MAOA: variants seen among roughly 807,000 people sequenced by gnomAD.
MAOA encodes amine oxidase [flavin-containing] A.
MAOA carries 6 observed loss-of-function variants against 42.0 expected under a neutral mutation model. That is an observed-to-expected ratio of 0.14 (90% CI 0.08 to 0.28). MAOA has a LOEUF of 0.28. Ranked by LOEUF, MAOA falls within the 10% of genes least tolerant of loss-of-function variation. The probability of loss-of-function intolerance (pLI) is 1.00; values close to 1 mark genes in which losing one functional copy is unlikely to be tolerated. For missense variants in MAOA, 262 were observed against 422.3 expected (o/e 0.62, Z 3.33); for synonymous variants, 140 against 154.0 (o/e 0.91, Z 0.67).
chrX:43,704,296 T>C (rs2033644460), intron 3 of MAOA, among the ~76,000 whole-genome samples: 1 of 111,642 alleles, frequency 9.0e-6, no homozygotes, highest in South Asian at 3.7e-4. Flanking sequence ...CATGACTAAG[T>C]AGGATTTATT....
rs1337668994 is a variant in MAOA, at chrX:43,746,686, AATGTTCC to A, written c.*2178_*2184del. ...TAGTGTGATTGTGAACTTGGTGCCT[AATGTTCC>A]ATGTCTGAAGTTTGCCCCAGTGCTA... On this transcript the variant is annotated 3_prime_UTR_variant, in exon 15 of 15. Coordinates refer to ENST00000338702, the MANE Select transcript of MAOA (RefSeq NM_000240.4). The A allele has an allele frequency of 8.9e-6, 1 of 112,200 alleles. No individual in the cohort carries two copies. Among genetic ancestry groups the A allele is most frequent in the Non-Finnish European group, 1.9e-5 (1 of 53,318 alleles). The allele number at this position is 112,200 out of a possible 1,213,427, so 9.2% of individuals were successfully genotyped here.
At chrX:43,671,696 G>C (rs1288018133) in intron 1 of MAOA, among the ~76,000 whole-genome samples, 3 of 102,807 alleles carry the variant, frequency 2.9e-5, no homozygotes, top group African/African-American at 1.1e-4. Context: ...TTATTAAATA[G>C]GGAATCCTTT....
intron 1 of MAOA, among the ~76,000 whole-genome samples, chrX:43,681,552 G>T (rs1329220943): frequency 1.9e-4 from 21 of 110,396 alleles, no homozygotes; most frequent in Non-Finnish European, 2.3e-4. Context: ...TTATCTTTAG[G>T]ATATATACCA....
intron 1 of MAOA, among the ~76,000 whole-genome samples, chrX:43,658,388 G>C (rs1487875557): frequency 9.0e-6 from 1 of 111,454 alleles, no homozygotes; most frequent in Admixed American, 9.6e-5. Context: ...AAATTACCAT[G>C]TAGCTGATAA....
At chrX:43,719,869 T>C (rs1429974978) in intron 5 of MAOA, among the ~76,000 whole-genome samples, 2 of 107,859 alleles carry the variant, frequency 1.9e-5, no homozygotes, top group African/African-American at 3.4e-5. Flanking sequence ...GGAGGGGTAG[T>C]GGGGAAACAG....
intron 3 of MAOA, among the ~76,000 whole-genome samples, chrX:43,698,717 T>C (rs997976476): frequency 7.2e-5 from 8 of 111,810 alleles, no homozygotes; most frequent in African/African-American, 2.6e-4. Context: ...ATCTTGTGAA[T>C]AGAATCCCTC....
At chrX:43,701,842 G>A (rs1203193152) in intron 3 of MAOA, among the ~76,000 whole-genome samples, 2 of 111,868 alleles carry the variant, frequency 1.8e-5, no homozygotes, top group Non-Finnish European at 3.8e-5. Context: ...ACTCCTGGAG[G>A]TTCTGACCTT....
intron 3 of MAOA, among the ~76,000 whole-genome samples, chrX:43,709,538 C>A (rs1426326904): frequency 9.0e-6 from 1 of 110,994 alleles, no homozygotes; most frequent in African/African-American, 3.3e-5. Context: ...GCCTCCCGGG[C>A]AATATTTATG....
chrX:43,689,538 A>T (rs1385090112), intron 2 of MAOA, among the ~76,000 whole-genome samples: 1 of 111,379 alleles, frequency 9.0e-6, no homozygotes, highest in Non-Finnish European at 1.9e-5. Context: ...AAAGTTTATC[A>T]ACATACTATC....
At chrX:43,734,100 T>C (rs2033902261) in intron 9 of MAOA, among the ~76,000 whole-genome samples, 1 of 108,488 alleles carries the variant, frequency 9.2e-6, no homozygotes, top group Non-Finnish European at 1.9e-5. Flanking sequence ...GGGAGTTAGA[T>C]ATAGTGATGT....
At chrX:43,740,652 T>C (rs775330780) in intron 10 of MAOA, 29 bp from the exon 11 acceptor site, 231 of 623,044 alleles carry the variant, frequency 3.7e-4, no homozygotes, top group Non-Finnish European at 4.3e-4. Flanking sequence ...CTAACTTTAT[T>C]TTTTTTTTTT....
chrX:43,737,357 G>A (rs191078534), intron 10 of MAOA, among the ~76,000 whole-genome samples: 18 of 111,832 alleles, frequency 1.6e-4, no homozygotes, highest in African/African-American at 4.9e-4. Context: ...GTGTCTTAGT[G>A]CATTTGTGAT....
intron 3 of MAOA, among the ~76,000 whole-genome samples, chrX:43,696,246 G>T: frequency 9.0e-6 from 1 of 111,583 alleles, no homozygotes; most frequent in African/African-American, 3.3e-5. Context: ...TGAAAGTCCT[G>T]TTCCTAAAGA....
At chrX:43,704,637 A>T (rs2033646646) in intron 3 of MAOA, among the ~76,000 whole-genome samples, 1 of 110,800 alleles carries the variant, frequency 9.0e-6, no homozygotes, top group East Asian at 2.8e-4. Flanking sequence ...GATTTTAGCC[A>T]GGGCACTTAG....
chrX:43,686,972 AT>A (rs1451305526), intron 2 of MAOA, among the ~76,000 whole-genome samples: 6 of 111,383 alleles, frequency 5.4e-5, no homozygotes, highest in Non-Finnish European at 1.1e-4. Context: ...CAAATTTGGT[AT>A]TACCTGGCAA....
At chrX:43,699,950 C>G (rs1024408327) in intron 3 of MAOA, among the ~76,000 whole-genome samples, 6 of 112,311 alleles carry the variant, frequency 5.3e-5, no homozygotes, top group Non-Finnish European at 9.4e-5. Flanking sequence ...CTTGTCCATA[C>G]TAACTCACAG....
intron 6 of MAOA, among the ~76,000 whole-genome samples, chrX:43,730,817 G>A (rs1200632113): frequency 9.0e-6 from 1 of 110,506 alleles, no homozygotes; most frequent in East Asian, 2.9e-4. Flanking sequence ...TACCTGCCTG[G>A]ACAACCTCAG....
chrX:43,720,351 A>G (rs770328853), intron 5 of MAOA, among the ~76,000 whole-genome samples: 1 of 109,846 alleles, frequency 9.1e-6, no homozygotes, highest in South Asian at 4.0e-4. Context: ...TCTTCCAGAA[A>G]CAACCCACAG....
chrX:43,698,040 CT>C (rs1343861986), intron 3 of MAOA, among the ~76,000 whole-genome samples: 1 of 112,046 alleles, frequency 8.9e-6, no homozygotes, highest in African/African-American at 3.2e-5. Flanking sequence ...TTCTGCATTG[CT>C]TTTTGACAAC....
Sources: allele counts gnomAD v4.1 joint callset (sites outside exome capture counted in the v4.1 genomes callset), GRCh38; gene constraint gnomAD v4.1.1; transcripts MANE v1.5; gene names NCBI Gene and HGNC (gene_info 2026-07-23, HGNC 2026-07-21).